Variants in ADAMTS6 observed in about 807,000 individuals in gnomAD.
ADAMTS6 encodes the protein ADAM metallopeptidase with thrombospondin type 1 motif 6.
Under a neutral mutation model 144.3 loss-of-function variants are expected in ADAMTS6, and 23 were observed. The ratio of observed to expected loss-of-function variants is 0.16; its 90% CI spans 0.11 to 0.23. The LOEUF (loss-of-function observed/expected upper bound fraction) is 0.23. Ranked by LOEUF, ADAMTS6 falls within the 10% of genes least tolerant of loss-of-function variation. ADAMTS6 has a pLI of 1.00. For synonymous variants in ADAMTS6, 444 were observed against 457.5 expected, an observed-to-expected ratio of 0.97 and a Z score of 0.38; for missense variants, 999 against 1,379.6, an observed-to-expected ratio of 0.72 and a Z score of 4.37.
chr5:65,410,647 T>C (rs1754975056), intron 7 of ADAMTS6, among the ~76,000 whole-genome samples: 1 of 152,172 alleles, frequency 6.6e-6, no homozygotes, highest in African/African-American at 2.4e-5. Flanking sequence ...TCCTCCAAAT[T>C]GAAATTTTGT....
In ADAMTS6 at chr5:65,352,941, C is replaced by T. The variant is rs536063768; in HGVS notation, c.1074-18856G>A. On this transcript the variant is annotated intron_variant, in intron 7 of 24. Transcript: ENST00000381055. ...GAACCTAAACGACATATGAGACCCT[C>T]CAGCACTATGTTCCTTCTCATTCAC... is the stretch of plus-strand genomic sequence containing the variant. Among the ~76,000 whole-genome samples, 18 of 152,142 alleles carry T rather than the reference C, an allele frequency of 1.2e-4. No homozygotes were observed. The South Asian group carries it at 3.3e-3, about 28-fold the overall frequency.
chr5:65,280,198 T>C (rs1010897137), intron 11 of ADAMTS6, among the ~76,000 whole-genome samples: 2 of 152,246 alleles, frequency 1.3e-5, no homozygotes, highest in African/African-American at 4.8e-5. Flanking sequence ...CCCAATCAGC[T>C]GATCCTTTGC....
rs144898038 is a variant in ADAMTS6, at chr5:65,203,996, A to G, written c.2576-6845T>C. On this transcript the variant is annotated intron_variant, in intron 20 of 24. Coordinates refer to ENST00000381055, the MANE Select transcript of ADAMTS6 (RefSeq NM_197941.4). ...CCAAACCCTGCTCGTGTTAGGGAAGAATATAATCACTAAAGCAACACAAAT... is the reference window on the plus strand; with the variant it reads ...CCAAACCCTGCTCGTGTTAGGGAAGGATATAATCACTAAAGCAACACAAAT... Among the ~76,000 whole-genome samples, 606 of 152,302 alleles carry G rather than the reference A, an allele frequency of 4.0e-3. 5 individuals carry two copies. The highest frequency in any genetic ancestry group is 0.014 in the African/African-American group (589 of 41,560).
At chr5:65,393,730 C>G (rs2150151974) in intron 7 of ADAMTS6, among the ~76,000 whole-genome samples, 1 of 152,216 alleles carries the variant, frequency 6.6e-6, no homozygotes, top group Non-Finnish European at 1.5e-5. Context: ...TATTTAGGAG[C>G]CTATCTTTTG....
intron 5 of ADAMTS6, 71 bp from the exon 6 acceptor site, chr5:65,452,287 G>C: frequency 1.5e-6 from 2 of 1,325,590 alleles, no homozygotes; most frequent in Non-Finnish European, 2.1e-6. Flanking sequence ...GGTTTTTTAA[G>C]TGCTAAAACA....
intron 13 of ADAMTS6, among the ~76,000 whole-genome samples, chr5:65,260,920 T>C (rs943453471): frequency 3.3e-5 from 5 of 152,182 alleles, no homozygotes; most frequent in African/African-American, 7.2e-5. Context: ...ATTTATAAGA[T>C]TCTTAATTGT....
intron 21 of ADAMTS6, among the ~76,000 whole-genome samples, chr5:65,190,239 A>C (rs958117935): frequency 6.6e-6 from 1 of 152,228 alleles, no homozygotes; most frequent in Non-Finnish European, 1.5e-5. Context: ...ATGATGATTT[A>C]ATTTTGAATT....
chr5:65,264,022 T>C (rs1183703160), intron 12 of ADAMTS6, among the ~76,000 whole-genome samples: 3 of 152,178 alleles, frequency 2.0e-5, no homozygotes, highest in Admixed American at 2.0e-4. Flanking sequence ...GTTGGTTTTA[T>C]CTCCAGAATA....
chr5:65,195,324 C>T (rs1195193962), intron 21 of ADAMTS6, among the ~76,000 whole-genome samples: 3 of 152,178 alleles, frequency 2.0e-5, no homozygotes, highest in African/African-American at 7.2e-5. Context: ...TATGATAGGT[C>T]ACATTTTGAT....
intron 10 of ADAMTS6, among the ~76,000 whole-genome samples, chr5:65,296,472 A>G (rs1029414547): frequency 1.3e-5 from 2 of 152,154 alleles, no homozygotes; most frequent in African/African-American, 2.4e-5. Context: ...TATCAAAGTT[A>G]TTATGGTTAG....
At chr5:65,458,280 G>C (rs1162807322) in intron 4 of ADAMTS6, among the ~76,000 whole-genome samples, 1 of 152,128 alleles carries the variant, frequency 6.6e-6, no homozygotes, top group Non-Finnish European at 1.5e-5. Context: ...TACTCAAGAA[G>C]AAAGTGTGCA....
In ADAMTS6 at chr5:65,224,895, G is replaced by A. The variant is rs201320758; in HGVS notation, c.2191+29C>T. The A allele has an allele frequency of 3.8e-6, 6 of 1,593,722 alleles. No homozygotes were observed. In the East Asian group the frequency reaches 1.4e-4, roughly 36 times the overall value. On this transcript the variant is annotated intron_variant, in intron 17 of 24. Coordinates refer to ENST00000381055, the MANE Select transcript of ADAMTS6 (RefSeq NM_197941.4). The stretch of plus-strand genomic sequence containing the variant: ...TGGCTCCTCCAAGTACACCAGAGGT[G>A]TGAGGAAGAGTTCTCTCTACATACT...
chr5:65,205,472 C>G (rs62369566), intron 20 of ADAMTS6, among the ~76,000 whole-genome samples: 7,182 of 152,132 alleles, frequency 0.047, 236 homozygotes, highest in Non-Finnish European at 0.079. Context: ...TAGTACTGGC[C>G]TAAAGACTGT....
At chr5:65,220,318 T>G (rs1311466563) in intron 18 of ADAMTS6, among the ~76,000 whole-genome samples, 1 of 151,990 alleles carries the variant, frequency 6.6e-6, no homozygotes, top group African/African-American at 2.4e-5. Flanking sequence ...CTGACAAAAT[T>G]TATGGTAAAA....
chr5:65,257,649 TC>T lies in ADAMTS6; in HGVS notation c.1830+2950del, dbSNP rs147511701. Among the ~76,000 whole-genome samples, 410 of 152,350 alleles carry T rather than the reference TC, an allele frequency of 2.7e-3. 2 individuals carry two copies. The highest frequency in any genetic ancestry group is 9.5e-3 in the African/African-American group (394 of 41,586). On this transcript the variant is annotated intron_variant, in intron 14 of 24. Coordinates refer to ENST00000381055, the MANE Select transcript of ADAMTS6 (RefSeq NM_197941.4). ...GAGGCTCTTTCAATGGTTTCAAATG[TC>T]CCAAGATAAAGATCACACTTCTTAG...
intron 4 of ADAMTS6, among the ~76,000 whole-genome samples, chr5:65,456,734 T>C (rs1272597229): frequency 2.0e-5 from 3 of 152,192 alleles, no homozygotes; most frequent in African/African-American, 4.8e-5. Context: ...TCTATTTCAA[T>C]GGACTAGAAG....
chr5:65,376,972 C>T (rs994656639), intron 7 of ADAMTS6, among the ~76,000 whole-genome samples: 30 of 151,868 alleles, frequency 2.0e-4, no homozygotes, highest in African/African-American at 6.8e-4. Flanking sequence ...ATTTAACAGT[C>T]GAAAAAGGGG....
intron 9 of ADAMTS6, among the ~76,000 whole-genome samples, chr5:65,310,858 A>T (rs1398615077): frequency 6.6e-6 from 1 of 152,232 alleles, no homozygotes; most frequent in Non-Finnish European, 1.5e-5. Flanking sequence ...GTTCAAACTT[A>T]AAATTGTGTG....
chr5:65,292,663 A>T (rs1448829029), intron 10 of ADAMTS6, among the ~76,000 whole-genome samples: 1 of 152,122 alleles, frequency 6.6e-6, no homozygotes, highest in Non-Finnish European at 1.5e-5. Context: ...ACGGTGATAT[A>T]GAGTTAAAGA....
Sources: gnomAD v4.1 joint callset for allele counts (sites outside exome capture counted in the v4.1 genomes callset) on GRCh38, gnomAD v4.1.1 for gene constraint, MANE v1.5 for transcripts, NCBI Gene and HGNC (gene_info 2026-07-23, HGNC 2026-07-21) for gene names.